SPTBN1: variants seen among roughly 807,000 people sequenced by gnomAD.
SPTBN1 encodes spectrin beta chain, non-erythrocytic 1.
SPTBN1 carries 32 observed loss-of-function variants against 266.4 expected under a neutral mutation model. The observed-to-expected ratio is 0.12, with a 90% confidence interval of 0.09 to 0.16. SPTBN1 has a LOEUF of 0.16. Ranked by LOEUF, SPTBN1 falls within the 10% of genes least tolerant of loss-of-function variation. SPTBN1 has a pLI of 1.00. For synonymous variants in SPTBN1, 1,336 were observed against 1,162.2 expected (o/e 1.15, Z -3.04); for missense variants, 2,296 against 3,067.1 (o/e 0.75, Z 5.94).
At chr2:54,642,616 A>G (rs1201232307) in intron 18 of SPTBN1, among the ~76,000 whole-genome samples, 1 of 151,472 alleles carries the variant, frequency 6.6e-6, no homozygotes, top group African/African-American at 2.4e-5. Flanking sequence ...TTAACATGGT[A>G]TAGCTGACAC....
In SPTBN1 at chr2:54,558,968, A is replaced by G; in HGVS notation, c.148+32402A>G. 1 of 1,498,240 alleles carries G rather than the reference A, an allele frequency of 6.7e-7. No homozygotes were observed. Among genetic ancestry groups the G allele is most frequent in the Middle Eastern group, 1.8e-4 (1 of 5,630 alleles). 92.8% of individuals were successfully genotyped at this position (1,498,240 alleles called of 1,614,324 possible). The stretch of plus-strand genomic sequence containing the variant: ...GGCTTTATTTGTGACCCTAATGAAG[A>G]CGGGCGGCTTCACAGCTCGGCCCCA... On this transcript the variant is annotated intron_variant, in intron 2 of 35. Transcript: ENST00000356805. The surrounding 1 kb of genome is among the most constrained non-coding windows in gnomAD (Gnocchi z 4.6).
At chr2:54,571,003 A>G (rs1380007393) in intron 2 of SPTBN1, among the ~76,000 whole-genome samples, 1 of 152,114 alleles carries the variant, frequency 6.6e-6, no homozygotes, top group Non-Finnish European at 1.5e-5. Flanking sequence ...GTTTATTCCT[A>G]TAAAGGTTTA....
intron 17 of SPTBN1, among the ~76,000 whole-genome samples, chr2:54,636,863 T>G (rs1419248729): frequency 2.0e-5 from 3 of 152,260 alleles, no homozygotes; most frequent in Non-Finnish European, 4.4e-5. Flanking sequence ...TTTTGAATCC[T>G]CAGTGGGTCC....
Position 54,646,380 on chromosome 2 carries a change from G to T in SPTBN1, c.4771G>T (p.Ala1591Ser). 1 of 1,613,344 alleles carries T rather than the reference G, an allele frequency of 6.2e-7. No individual in the cohort carries two copies. Among genetic ancestry groups the T allele is most frequent in the East Asian group, 2.2e-5 (1 of 44,874 alleles). ...GAAACGCCACAGGCGGCTGGAGGAG[G>T]CGCACAGGGCCCAGCAGTACTACTT... ...TEKRHRRLEE[A>S]HRAQQYYFDA... Residue 1591 changes from alanine (A) to serine (S), a missense_variant, in exon 23 of 36, where the codon GCG becomes TCG. By Grantham distance (99) the Ala-to-Ser change is moderately conservative. This residue lies in a region of SPTBN1 where 644 missense variants were observed against 745.3 expected (regional missense o/e 0.86). Transcript: ENST00000356805. This position sits in a 1 kb window ranked among gnomAD's most constrained non-coding sequence, Gnocchi z 4.4.
At chr2:54,508,370 C>T (rs778465149) in intron 1 of SPTBN1, among the ~76,000 whole-genome samples, 13 of 152,094 alleles carry the variant, frequency 8.5e-5, no homozygotes, top group Non-Finnish European at 1.3e-4. Context: ...CAGTCCTGGG[C>T]GGGGCAAATC....
intron 1 of SPTBN1, chr2:54,516,398 C>T (rs557032046): frequency 1.3e-5 from 2 of 152,272 alleles, no homozygotes; most frequent in African/African-American, 4.8e-5. Context: ...GAGTCATCAC[C>T]TCTGCATTTT....
At chr2:54,484,278 C>T (rs1668238853) in intron 1 of SPTBN1, among the ~76,000 whole-genome samples, 1 of 152,130 alleles carries the variant, frequency 6.6e-6, no homozygotes, top group Admixed American at 6.5e-5. Context: ...CGGGGCCCTC[C>T]TAGGACTTTT....
intron 18 of SPTBN1, among the ~76,000 whole-genome samples, chr2:54,641,299 T>C (rs1470725889): frequency 6.6e-6 from 1 of 152,074 alleles, no homozygotes; most frequent in African/African-American, 2.4e-5. Context: ...TAGCGCGCTC[T>C]CTCTCTCTCT....
chr2:54,578,898 C>G (rs1307200757), intron 2 of SPTBN1, among the ~76,000 whole-genome samples: 1 of 152,028 alleles, frequency 6.6e-6, no homozygotes, highest in African/African-American at 2.4e-5. Context: ...CTTCTATGCC[C>G]TCTCTGTCCA....
chr2:54,467,985 A>G (rs1056388941), intron 1 of SPTBN1, among the ~76,000 whole-genome samples: 2 of 152,290 alleles, frequency 1.3e-5, no homozygotes, highest in Admixed American at 1.3e-4. Context: ...ACTAGATACT[A>G]TGTGACCCCG....
intron 28 of SPTBN1, among the ~76,000 whole-genome samples, chr2:54,655,618 G>A (rs1289978790): frequency 6.6e-6 from 1 of 152,228 alleles, no homozygotes; most frequent in East Asian, 1.9e-4. Context: ...TCTCCAAGAG[G>A]TCAGGGCTTT....
rs939837845 is a variant in SPTBN1 at position 54,628,312 on chromosome 2, A to G, written c.1798+62A>G. The G allele has an allele frequency of 6.3e-5, 95 of 1,514,276 alleles. No homozygotes were observed. In the Middle Eastern group the frequency reaches 8.5e-4, roughly 14 times the overall value. The allele number at this position is 1,514,276 out of a possible 1,614,324, so 93.8% of individuals were successfully genotyped here. A position where few individuals can be genotyped will look rare whatever the true frequency, so the allele number is the denominator to read the frequency against. ...ACCAGAGATTCATATTTATAGAAAC[A>G]CAGTGGGGCTTTTGAAGTTACTGTG... On this transcript the variant is annotated intron_variant, in intron 13 of 35. Transcript: ENST00000356805. The surrounding 1 kb of genome is among the most constrained non-coding windows in gnomAD (Gnocchi z 4.3).
At chr2:54,655,475 G>A (rs1225243308) in intron 28 of SPTBN1, among the ~76,000 whole-genome samples, 1 of 152,194 alleles carries the variant, frequency 6.6e-6, no homozygotes, top group Non-Finnish European at 1.5e-5. Context: ...TCTAGGTGAC[G>A]CCAATGTCCA....
At chr2:54,476,359 A>G (rs1010241400) in intron 1 of SPTBN1, among the ~76,000 whole-genome samples, 7 of 152,252 alleles carry the variant, frequency 4.6e-5, no homozygotes, top group Admixed American at 3.3e-4. Flanking sequence ...AACTAAACAT[A>G]GATAACAGAG....
At position 54,466,133 on chromosome 2, in the gene SPTBN1, A is replaced by G. The variant is rs894422147; in HGVS notation, c.-48+9615A>G. Among the ~76,000 whole-genome samples the G allele has an allele frequency of 3.9e-5, 6 of 152,160 alleles. No individual in the cohort carries two copies. In the East Asian group the frequency reaches 5.8e-4, roughly 15 times the overall value. ...GAGTGATTTTTAGAACCATTTTAAT[A>G]TCTCTGCTCTAGAATCGAGAATGCC... On this transcript the variant is annotated intron_variant, in intron 1 of 35. Coordinates refer to ENST00000356805, the MANE Select transcript of SPTBN1 (RefSeq NM_003128.3).
chr2:54,615,848 C>G (rs537154762), intron 4 of SPTBN1, among the ~76,000 whole-genome samples: 39 of 152,216 alleles, frequency 2.6e-4, no homozygotes, highest in Middle Eastern at 6.8e-3. Flanking sequence ...TGTTTACTTA[C>G]AAAAAAACCG....
chr2:54,630,394 A>G (rs182032058), intron 15 of SPTBN1, among the ~76,000 whole-genome samples: 14 of 152,340 alleles, frequency 9.2e-5, no homozygotes, highest in Admixed American at 4.6e-4. Context: ...TAATTTGCCA[A>G]TGAAAGTCCT....
chr2:54,549,535 A>G (rs747735618), intron 2 of SPTBN1, among the ~76,000 whole-genome samples: 5 of 152,212 alleles, frequency 3.3e-5, no homozygotes, highest in Non-Finnish European at 7.3e-5. Context: ...AAAGCTGAGA[A>G]TGGAGTGTGC....
At chr2:54,509,674 T>C (rs1275094773) in intron 1 of SPTBN1, among the ~76,000 whole-genome samples, 2 of 152,240 alleles carry the variant, frequency 1.3e-5, no homozygotes, top group Admixed American at 6.5e-5. Flanking sequence ...TGGAGTTTAA[T>C]GGCACAGAAG....
Sources: gnomAD v4.1 joint callset for allele counts (sites outside exome capture counted in the v4.1 genomes callset) on GRCh38, gnomAD v4.1.1 for gene constraint, gnomAD v4.1.1 regional missense constraint, Gnocchi (gnomAD v3.1) non-coding constraint, MANE v1.5 for transcripts, NCBI Gene and HGNC (gene_info 2026-07-23, HGNC 2026-07-21) for gene names.